ASIC2: variants seen among roughly 807,000 people sequenced by gnomAD.
The protein encoded by ASIC2 is acid sensing ion channel subunit 2, also known as acid-sensing ion channel 2.
Under a neutral mutation model 57.3 loss-of-function variants are expected in ASIC2, and 25 were observed. The observed-to-expected ratio is 0.44, with a 90% CI of 0.32 to 0.61. The LOEUF (loss-of-function observed/expected upper bound fraction) is 0.61. ASIC2 is among the 20% of genes least tolerant of loss of function. ASIC2 has a pLI of 0.06. For synonymous variants in ASIC2, 319 were observed against 307.5 expected (o/e 1.04, Z -0.39); for missense variants, 641 against 738.1 (o/e 0.87, Z 1.52).
intron 3 of ASIC2, among the ~76,000 whole-genome samples, chr17:33,057,831 C>T (rs1006031926): frequency 6.6e-6 from 1 of 152,162 alleles, no homozygotes; most frequent in South Asian, 2.1e-4. Flanking sequence ...GAGTCATAGG[C>T]CAGCCCAACT....
At chr17:33,297,831 T>A (rs556076076), upstream of ASIC2, among the ~76,000 whole-genome samples, 1 of 115,514 alleles carries the variant, frequency 8.7e-6, no homozygotes. Context: ...TCAAAATAAA[T>A]AAATAAATAA....
chr17:33,815,497 G>A (rs1394017686), intron 1 of ASIC2, among the ~76,000 whole-genome samples: 2 of 152,140 alleles, frequency 1.3e-5, no homozygotes, highest in East Asian at 3.9e-4. Context: ...TTCCTGAAAA[G>A]GTCTTGACTT....
chr17:34,060,210 A>G (rs1567804768), intron 1 of ASIC2, among the ~76,000 whole-genome samples: 2 of 152,258 alleles, frequency 1.3e-5, no homozygotes, highest in Non-Finnish European at 2.9e-5. Flanking sequence ...GGAGCCAGGT[A>G]GGCTCACTGG....
chr17:34,084,902 T>A lies in ASIC2; in HGVS notation c.555+71076A>T, dbSNP rs540443110. ...CACATTGATTTTGTATCCTGAGACT[T>A]TGCTGAAGTTGCCTATCAGCTTAAG... On this transcript the variant is annotated intron_variant, in intron 1 of 9. Coordinates refer to the ASIC2 transcript ENST00000359872. Among the ~76,000 whole-genome samples, 1,014 of 152,348 alleles carry A rather than the reference T, an allele frequency of 6.7e-3. 17 individuals are homozygous for A. Among genetic ancestry groups the A allele is most frequent in the African/African-American group, 0.023 (947 of 41,562 alleles).
chr17:33,333,433 G>C (rs1224162650), intron 1 of ASIC2, among the ~76,000 whole-genome samples: 4 of 152,188 alleles, frequency 2.6e-5, no homozygotes, highest in African/African-American at 9.6e-5. Flanking sequence ...TTATCATAAA[G>C]AGAACTTCTT....
intron 1 of ASIC2, among the ~76,000 whole-genome samples, chr17:33,545,852 C>G (rs1309209744): frequency 6.6e-6 from 1 of 152,170 alleles, no homozygotes; most frequent in African/African-American, 2.4e-5. Context: ...ATTTTACGTT[C>G]TGGGTCCTAC....
At chr17:33,970,400 A>T (rs9902778) in intron 1 of ASIC2, among the ~76,000 whole-genome samples, 1 of 151,946 alleles carries the variant, frequency 6.6e-6, no homozygotes, top group Non-Finnish European at 1.5e-5. Flanking sequence ...GGGATGCTGC[A>T]CTTGGAACAC....
At chr17:33,544,702 T>C (rs1305623018) in intron 1 of ASIC2, among the ~76,000 whole-genome samples, 2 of 152,182 alleles carry the variant, frequency 1.3e-5, no homozygotes, top group Non-Finnish European at 2.9e-5. Context: ...ACAATGCTTT[T>C]ATATCACTTA....
intron 1 of ASIC2, among the ~76,000 whole-genome samples, chr17:33,305,863 A>C (rs868449929): frequency 2.0e-4 from 31 of 152,324 alleles, no homozygotes; most frequent in Middle Eastern, 3.4e-3. Context: ...TCTGAACAAC[A>C]ATTTCATTCT....
chr17:33,282,207 C>T (rs1904978613), intron 1 of ASIC2, among the ~76,000 whole-genome samples: 1 of 152,154 alleles, frequency 6.6e-6, no homozygotes, highest in African/African-American at 2.4e-5. Context: ...CAAACCTTAC[C>T]GGCTTCAAAC....
At chr17:33,629,147 G>A (rs1189130711) in intron 1 of ASIC2, among the ~76,000 whole-genome samples, 1 of 152,066 alleles carries the variant, frequency 6.6e-6, no homozygotes, top group Non-Finnish European at 1.5e-5. Context: ...AGCCCTCCTG[G>A]TCCCCCTGGC....
intron 1 of ASIC2, among the ~76,000 whole-genome samples, chr17:33,755,741 C>T (rs191431199): frequency 2.0e-5 from 3 of 152,170 alleles, no homozygotes; most frequent in East Asian, 3.9e-4. Context: ...TCTAACGTGA[C>T]GTAAGAGTGT....
rs182658076 is a variant in ASIC2, at chr17:33,235,932, G to C, written c.708+55476C>G. ...GCTCACTGCGACCTCCTCCTCCCGG[G>C]TTCAAGCGATTCTCCTGCCTCAGCC... On this transcript the variant is annotated intron_variant, in intron 1 of 9. Transcript: ENST00000225823. Among the ~76,000 whole-genome samples, 145 of 151,998 alleles carry C rather than the reference G, an allele frequency of 9.5e-4. 1 individual carries two copies. Among genetic ancestry groups the C allele is most frequent in the Non-Finnish European group, 2.0e-3 (136 of 67,958 alleles).
At chr17:33,295,192 T>C (rs1407679852), upstream of ASIC2, among the ~76,000 whole-genome samples, 1 of 89,754 alleles carries the variant, frequency 1.1e-5, no homozygotes, top group Non-Finnish European at 2.9e-5. Flanking sequence ...ATGTGCTACT[T>C]TTGATTGACC....
At chr17:33,900,494 A>G (rs1188762677) in intron 1 of ASIC2, among the ~76,000 whole-genome samples, 1 of 152,190 alleles carries the variant, frequency 6.6e-6, no homozygotes, top group Non-Finnish European at 1.5e-5. Context: ...TGGATTATTT[A>G]TTACTGCCAG....
intron 1 of ASIC2, among the ~76,000 whole-genome samples, chr17:33,455,106 A>AG (rs1326303702): frequency 6.6e-6 from 1 of 152,220 alleles, no homozygotes; most frequent in Non-Finnish European, 1.5e-5. Flanking sequence ...TGTTGTATAC[A>AG]GGTATCCTAA....
intron 1 of ASIC2, among the ~76,000 whole-genome samples, chr17:33,860,711 T>A (rs1236328943): frequency 6.6e-6 from 1 of 152,228 alleles, no homozygotes; most frequent in Non-Finnish European, 1.5e-5. Flanking sequence ...TTCCATAGCA[T>A]GAATTGATTC....
At chr17:34,088,850 A>T (rs1320415374) in intron 1 of ASIC2, among the ~76,000 whole-genome samples, 1 of 152,062 alleles carries the variant, frequency 6.6e-6, no homozygotes, top group East Asian at 1.9e-4. Flanking sequence ...CACGTGCGGG[A>T]TATAATCTCC....
chr17:33,888,812 T>C (rs1464659265), intron 1 of ASIC2, among the ~76,000 whole-genome samples: 1 of 152,082 alleles, frequency 6.6e-6, no homozygotes, highest in Admixed American at 6.6e-5. Context: ...GGAGGGGCTA[T>C]AGGATAAGGG....
Sources: allele counts gnomAD v4.1 joint callset (sites outside exome capture counted in the v4.1 genomes callset), GRCh38; gene constraint gnomAD v4.1.1; transcripts MANE v1.5; gene names NCBI Gene and HGNC (gene_info 2026-07-23, HGNC 2026-07-21).